ASAP1: variants seen among roughly 807,000 people sequenced by gnomAD.
ASAP1 encodes ArfGAP with SH3 domain, ankyrin repeat and PH domain 1.
Under a neutral mutation model 145.2 loss-of-function variants are expected in ASAP1, and 43 were observed. The ratio of observed to expected loss-of-function variants is 0.30; its 90% CI spans 0.23 to 0.38. The LOEUF (loss-of-function observed/expected upper bound fraction) is 0.38, where lower values mean the gene tolerates loss of function less well. Among genes scored for constraint, ASAP1 ranks in the 10% least tolerant of loss-of-function variants. The pLI is 1.00. For synonymous variants in ASAP1, 546 were observed against 515.5 expected (o/e 1.06, Z -0.80); for missense variants, 1,018 against 1,355.3 (o/e 0.75, Z 3.91).
At chr8:130,079,806 G>A in intron 26 of ASAP1, 96 bp downstream of exon 26, 1 of 1,303,490 alleles carries the variant, frequency 7.7e-7, no homozygotes, top group Non-Finnish European at 1.1e-6. Flanking sequence ...CCACAGCTTT[G>A]AGCAGCGCTG....
rs892963134 is a variant in ASAP1 at position 130,104,863 on chromosome 8, G to GA, written c.2401+7230dup. 2.7e-4 allele frequency among the ~76,000 whole-genome samples: 40 copies of GA among 149,436 alleles called. 1 individual carries two copies. Among genetic ancestry groups the GA allele is most frequent in the African/African-American group, 8.1e-4 (33 of 40,862 alleles). On this transcript the variant is annotated intron_variant, in intron 24 of 29. Coordinates refer to ENST00000518721, the MANE Select transcript of ASAP1 (RefSeq NM_018482.4). ...ATAAAAGTATAACTGAAGTTTCAAA[G>GA]AAAAAAAAAGACCTAGAAGATGGCT...
chr8:130,371,633 T>C (rs2138290056), intron 2 of ASAP1, among the ~76,000 whole-genome samples: 1 of 152,324 alleles, frequency 6.6e-6, no homozygotes, highest in African/African-American at 2.4e-5. Flanking sequence ...CCTTCCCTTC[T>C]TATTGCATCT....
intron 25 of ASAP1, among the ~76,000 whole-genome samples, chr8:130,087,822 C>T (rs1175909785): frequency 6.6e-6 from 1 of 152,166 alleles, no homozygotes; most frequent in Non-Finnish European, 1.5e-5. Flanking sequence ...CCCAAATCTC[C>T]CCTGTGAATC....
At chr8:130,152,660 C>T in intron 13 of ASAP1, 76 bp downstream of exon 13, 2 of 1,027,858 alleles carry the variant, frequency 1.9e-6, no homozygotes. Context: ...ATATTTGCGC[C>T]AATTTTTACT....
At chr8:130,343,087 T>C (rs1315135364) in intron 3 of ASAP1, among the ~76,000 whole-genome samples, 1 of 152,230 alleles carries the variant, frequency 6.6e-6, no homozygotes, top group East Asian at 1.9e-4. Flanking sequence ...AGGCACTACC[T>C]GGGGTCAGGC....
chr8:130,125,564 TA>T (rs961840845), intron 17 of ASAP1, among the ~76,000 whole-genome samples: 13 of 151,344 alleles, frequency 8.6e-5, no homozygotes, highest in African/African-American at 2.4e-4. Context: ...TTAGAAATAA[TA>T]AAAAAAAATT....
At chr8:130,351,053 A>G (rs1478735523) in intron 3 of ASAP1, among the ~76,000 whole-genome samples, 1 of 152,248 alleles carries the variant, frequency 6.6e-6, no homozygotes, top group Non-Finnish European at 1.5e-5. Flanking sequence ...TGAGGGGTCC[A>G]GCAAGAGGTC....
chr8:130,321,391 A>C (rs905895561), intron 3 of ASAP1, among the ~76,000 whole-genome samples: 4 of 152,130 alleles, frequency 2.6e-5, no homozygotes, highest in African/African-American at 4.8e-5. Flanking sequence ...GGGCAAGAAG[A>C]AGCAGGCATG....
At chr8:130,223,905 G>C (rs74450783) in intron 4 of ASAP1, among the ~76,000 whole-genome samples, 1 of 152,064 alleles carries the variant, frequency 6.6e-6, no homozygotes, top group Non-Finnish European at 1.5e-5. Flanking sequence ...CCAGAGGATA[G>C]CTGGGATACA....
At chr8:130,182,636 T>C (rs1044238560) in intron 7 of ASAP1, among the ~76,000 whole-genome samples, 9 of 152,056 alleles carry the variant, frequency 5.9e-5, no homozygotes, top group African/African-American at 2.2e-4. Flanking sequence ...GGTACCTTGC[T>C]CTGAAATATG....
chr8:130,162,382 G>T (rs117946724), intron 11 of ASAP1, among the ~76,000 whole-genome samples: 21 of 152,288 alleles, frequency 1.4e-4, no homozygotes, highest in Admixed American at 3.3e-4. Context: ...GGGTTGCAGG[G>T]AACTGAGGCA....
chr8:130,268,251 T>G lies in ASAP1; in HGVS notation c.187-31257A>C, dbSNP rs568301672. ...CTGTAATCCCAGCACTTAGGGAGAC[T>G]GAGGCAGGTAGAGCACTTGAGCCCA... On this transcript the variant is annotated intron_variant, in intron 3 of 29. Transcript: ENST00000518721. Among the ~76,000 whole-genome samples, 15 of 152,244 alleles carry G rather than the reference T, an allele frequency of 9.9e-5. No homozygotes were observed. The South Asian group carries it at 3.1e-3, about 32-fold the overall frequency.
At chr8:130,118,970 C>T (rs2135661614) in intron 18 of ASAP1, among the ~76,000 whole-genome samples, 1 of 152,240 alleles carries the variant, frequency 6.6e-6, no homozygotes, top group Non-Finnish European at 1.5e-5. Context: ...TTTATAAATA[C>T]TTCAAACTCT....
At chr8:130,297,703 C>G (rs1822371652) in intron 3 of ASAP1, among the ~76,000 whole-genome samples, 1 of 152,176 alleles carries the variant, frequency 6.6e-6, no homozygotes, top group Admixed American at 6.5e-5. Context: ...CCACTGCTGT[C>G]AGAGACAAAG....
At chr8:130,072,828 C>T (rs867053722) in intron 27 of ASAP1, among the ~76,000 whole-genome samples, 671 of 26,764 alleles carry the variant, frequency 0.025, 31 homozygotes, top group African/African-American at 0.13. Flanking sequence ...TGTGTGTGCG[C>T]GCGGGGGGGG....
At chr8:130,306,980 C>T (rs1823032039) in intron 3 of ASAP1, among the ~76,000 whole-genome samples, 1 of 152,206 alleles carries the variant, frequency 6.6e-6, no homozygotes. Context: ...CAACTCTTCT[C>T]ATTCTGGCTC....
chr8:130,251,941 G>A (rs1399103905), intron 3 of ASAP1, among the ~76,000 whole-genome samples: 1 of 152,160 alleles, frequency 6.6e-6, no homozygotes, highest in South Asian at 2.1e-4. Flanking sequence ...TATATTTCAA[G>A]TCACAAAACC....
At position 130,079,861 on chromosome 8, in the gene ASAP1, A is replaced by G. The variant is rs370155967; in HGVS notation, c.2642+41T>C. The G allele has an allele frequency of 9.6e-6, 15 of 1,569,732 alleles. No homozygotes were observed. In the African/African-American group the frequency reaches 1.6e-4, roughly 17 times the overall value. On this transcript the variant is annotated intron_variant, in intron 26 of 29. Coordinates refer to ENST00000518721, the MANE Select transcript of ASAP1 (RefSeq NM_018482.4). Reference sequence around the variant, plus strand: ...TTTCTAGAATTCTGTCCATTGCATCAATGGATCCAACAGGGGAAATGAAGC... The same window carrying G: ...TTTCTAGAATTCTGTCCATTGCATCGATGGATCCAACAGGGGAAATGAAGC...
At chr8:130,084,798 A>C (rs1487280231) in intron 25 of ASAP1, 1 of 150,116 alleles carries the variant, frequency 6.7e-6, no homozygotes, top group Non-Finnish European at 1.5e-5. Flanking sequence ...AGAAAAAACA[A>C]AAAAACAAAG....
Sources: gnomAD v4.1 joint callset for allele counts (sites outside exome capture counted in the v4.1 genomes callset) on GRCh38, gnomAD v4.1.1 for gene constraint, MANE v1.5 for transcripts, NCBI Gene and HGNC (gene_info 2026-07-23, HGNC 2026-07-21) for gene names.